TPD52L2: variants seen among roughly 807,000 people sequenced by gnomAD.
TPD52L2 encodes the protein tumor protein D54.
In TPD52L2, 19 loss-of-function variants were observed where a neutral mutation model predicts 24.7. The ratio of observed to expected loss-of-function variants is 0.77; its 90% confidence interval spans 0.54 to 1.13. The LOEUF is 1.13. Ranked by LOEUF, TPD52L2 falls within the 50% of genes most tolerant of loss-of-function variation. TPD52L2 has a pLI of 0.00. For missense variants in TPD52L2, 236 were observed against 250.4 expected (o/e 0.94, Z 0.39); for synonymous variants, 104 against 100.2 (o/e 1.04, Z -0.23).
At chr20:63,876,528 C>T (rs2052683391) in intron 4 of TPD52L2, 2 of 350,998 alleles carry the variant, frequency 5.7e-6, no homozygotes, top group Admixed American at 3.9e-5. Flanking sequence ...TTTACTTGTG[C>T]TCTGATCTGA....
chr20:63,872,979 C>G (rs890397045), intron 2 of TPD52L2, among the ~76,000 whole-genome samples: 1 of 151,942 alleles, frequency 6.6e-6, no homozygotes, highest in Non-Finnish European at 1.5e-5. Context: ...TCCCAGAGTG[C>G]TGGGATTACA....
intron 5 of TPD52L2, among the ~76,000 whole-genome samples, chr20:63,883,817 G>GCTGC (rs151203422): frequency 8.1e-5 from 6 of 74,340 alleles, no homozygotes; most frequent in Non-Finnish European, 1.7e-4. Flanking sequence ...CTCCTGCTGG[G>GCTGC]CTGCCTGCCT....
chr20:63,877,425 C>T lies in TPD52L2; in HGVS notation c.374+1550C>T, dbSNP rs917289004. ...CCGCCCATCTCGGCCTCCCAAAGTG[C>T]TGGGATGACAGGCGTGACCCACTGC... On this transcript the variant is annotated intron_variant, in intron 4 of 6. Transcript: ENST00000346249. This position sits in a 1 kb window ranked among gnomAD's most constrained non-coding sequence, Gnocchi z 4.1. 6.6e-6 allele frequency among the ~76,000 whole-genome samples: 1 copy of T among 152,200 alleles called. No homozygotes were observed. The highest frequency in any genetic ancestry group is 2.4e-5 in the African/African-American group (1 of 41,450).
chr20:63,887,161 G>A (rs528000832), intron 5 of TPD52L2: 66 of 314,092 alleles, frequency 2.1e-4, no homozygotes, highest in Middle Eastern at 1.1e-3. Context: ...TGCTGGAACC[G>A]GGAGGTCTAG....
At chr20:63,889,756 A>C (rs2053264247) in intron 6 of TPD52L2, 94 bp from the exon 7 acceptor site, 1 of 1,238,014 alleles carries the variant, frequency 8.1e-7, no homozygotes, top group Non-Finnish European at 1.1e-6. Flanking sequence ...GTGTTACATA[A>C]GCTTTTGTAG....
At chr20:63,865,607 TC>T (rs2052186543) in intron 1 of TPD52L2, among the ~76,000 whole-genome samples, 1 of 152,172 alleles carries the variant, frequency 6.6e-6, no homozygotes, top group Admixed American at 6.5e-5. Flanking sequence ...CCAGCCGCCC[TC>T]CTGGTCTCCC....
intron 4 of TPD52L2, chr20:63,876,767 G>A (rs763141347): frequency 1.8e-5 from 8 of 455,872 alleles, no homozygotes; most frequent in Non-Finnish European, 2.2e-5. Flanking sequence ...TGTCACGGTG[G>A]GAGGCTGGTG....
intron 2 of TPD52L2, among the ~76,000 whole-genome samples, chr20:63,871,040 C>CT (rs1346169465): frequency 1.3e-5 from 2 of 149,254 alleles, no homozygotes; most frequent in African/African-American, 4.9e-5. Context: ...TTCTGTATTG[C>CT]TTTTTTTTGT....
Position 63,865,352 on chromosome 20 carries a change from G to A in TPD52L2, c.-14G>A, listed in dbSNP as rs367912450. On this transcript the variant is annotated 5_prime_UTR_variant, in exon 1 of 7. Coordinates refer to ENST00000346249, the MANE Select transcript of TPD52L2 (RefSeq NM_003288.4). ...CCATAGCGCCCGCGACAGCGGTCCG[G>A]ACGCCGCCCGAACATGGACTCCGCC... is the stretch of plus-strand genomic sequence containing the variant. The A allele has an allele frequency of 6.6e-7, 1 of 1,526,504 alleles. No homozygotes were observed. Among genetic ancestry groups the A allele is most frequent in the Non-Finnish European group, 8.8e-7 (1 of 1,142,570 alleles). 94.6% of individuals were successfully genotyped at this position (1,526,504 alleles called of 1,614,324 possible). A position where few individuals can be genotyped will look rare whatever the true frequency, so the allele number is the denominator to read the frequency against.
At chr20:63,878,178 G>A (rs1276457573) in intron 4 of TPD52L2, among the ~76,000 whole-genome samples, 2 of 152,262 alleles carry the variant, frequency 1.3e-5, no homozygotes, top group Admixed American at 6.5e-5. Context: ...CCACGTGTTT[G>A]TAGATCCTTT....
intron 2 of TPD52L2, among the ~76,000 whole-genome samples, chr20:63,872,414 G>A (rs2052502495): frequency 6.6e-6 from 1 of 152,130 alleles, no homozygotes; most frequent in Non-Finnish European, 1.5e-5. Context: ...GTCTCGGTCT[G>A]TCACCTAGGC....
At chr20:63,872,409 G>C (rs757434956) in intron 2 of TPD52L2, among the ~76,000 whole-genome samples, 1 of 151,994 alleles carries the variant, frequency 6.6e-6, no homozygotes, top group Non-Finnish European at 1.5e-5. Flanking sequence ...AAACAGTCTC[G>C]GTCTGTCACC....
intron 1 of TPD52L2, 86 bp downstream of exon 1, chr20:63,865,470 C>CG: frequency 6.8e-7 from 1 of 1,461,286 alleles, no homozygotes. Flanking sequence ...CTGCGACTCT[C>CG]TGTCCTCTCG....
chr20:63,882,572 C>G (rs2052942448), intron 4 of TPD52L2, 147 bp from the exon 5 acceptor site: 1 of 686,626 alleles, frequency 1.5e-6, no homozygotes, highest in Non-Finnish European at 2.6e-6. Flanking sequence ...GCCTGCACCC[C>G]CTCTGTAGAC....
rs977880883 is a variant in TPD52L2 at position 63,890,203 on chromosome 20, G to A, written c.*258G>A. 1 of 772,580 alleles carries A rather than the reference G, an allele frequency of 1.3e-6. No homozygotes were observed. Among genetic ancestry groups the A allele is most frequent in the African/African-American group, 1.8e-5 (1 of 56,982 alleles). The allele number at this position is 772,580 out of a possible 1,614,324, so 47.9% of individuals were successfully genotyped here. A position where few individuals can be genotyped will look rare whatever the true frequency, so the allele number is the denominator to read the frequency against. On this transcript the variant is annotated 3_prime_UTR_variant, in exon 7 of 7. Transcript: ENST00000346249. Reference sequence around the variant, plus strand: ...GTCCTTCCTAGGGGTGCAGGAAGTGGACAGGGCGGAGGGTTTGAAAGAATA... The same window carrying A: ...GTCCTTCCTAGGGGTGCAGGAAGTGAACAGGGCGGAGGGTTTGAAAGAATA...
chr20:63,875,967 G>A, intron 4 of TPD52L2, 92 bp downstream of exon 4: 2 of 1,304,352 alleles, frequency 1.5e-6, no homozygotes, highest in South Asian at 1.3e-5. Flanking sequence ...TTGGCACAAA[G>A]CTTGTTTTGG....
chr20:63,885,591 G>C (rs912948838), intron 5 of TPD52L2, among the ~76,000 whole-genome samples: 1 of 152,230 alleles, frequency 6.6e-6, no homozygotes, highest in African/African-American at 2.4e-5. Context: ...GGCCGCTCTC[G>C]TTCTGTGGAG....
intron 5 of TPD52L2, chr20:63,887,640 GGGTGTCTCT>G: frequency 6.2e-7 from 1 of 1,606,416 alleles, no homozygotes; most frequent in Non-Finnish European, 8.5e-7. Flanking sequence ...CTCCAGAGCC[GGGTGTCTCT>G]GGTGGGGGTT....
chr20:63,865,470 C>A, intron 1 of TPD52L2, 86 bp downstream of exon 1: 1 of 1,461,286 alleles, frequency 6.8e-7, no homozygotes, highest in Non-Finnish European at 9.1e-7. Context: ...CTGCGACTCT[C>A]TGTCCTCTCG....
Sources: allele counts gnomAD v4.1 joint callset (sites outside exome capture counted in the v4.1 genomes callset), GRCh38; gene constraint gnomAD v4.1.1; non-coding constraint Gnocchi (gnomAD v3.1); transcripts MANE v1.5; gene names NCBI Gene and HGNC (gene_info 2026-07-23, HGNC 2026-07-21).